MALRD1: variants seen among roughly 807,000 people sequenced by gnomAD.
MALRD1 encodes MAM and LDL receptor class A domain containing 1.
MALRD1 carries 247 observed loss-of-function variants against 242.1 expected under a neutral mutation model. That is an observed-to-expected ratio of 1.02 (90% CI 0.92 to 1.13). MALRD1 has a LOEUF of 1.13. Among genes scored for constraint, MALRD1 ranks in the 50% most tolerant of loss-of-function variants. The probability of loss-of-function intolerance (pLI) is 0.00; values close to 1 mark genes in which losing one functional copy is unlikely to be tolerated. For missense variants in MALRD1, 2,989 were observed against 2,533.1 expected (o/e 1.18, Z -3.86); for synonymous variants, 995 against 866.6 (o/e 1.15, Z -2.60).
chr10:19,547,876 G>T (rs1589226963), intron 32 of MALRD1, among the ~76,000 whole-genome samples: 1 of 101,014 alleles, frequency 9.9e-6, no homozygotes. Flanking sequence ...TAACAACATT[G>T]CATTCAGCAA....
At chr10:19,477,627 G>A (rs145997055) in intron 29 of MALRD1, among the ~76,000 whole-genome samples, 3,635 of 152,166 alleles carry the variant, frequency 0.024, 167 homozygotes, top group African/African-American at 0.083. Context: ...TTTAATAGGC[G>A]AAAGAAGGAG....
chr10:19,611,061 A>G (rs1838871894), intron 35 of MALRD1, among the ~76,000 whole-genome samples: 1 of 152,010 alleles, frequency 6.6e-6, no homozygotes, highest in African/African-American at 2.4e-5. Context: ...CCCCCAGTAT[A>G]GAAAGATGAT....
intron 33 of MALRD1, among the ~76,000 whole-genome samples, chr10:19,590,473 T>A (rs1279630988): frequency 6.6e-6 from 1 of 151,192 alleles, no homozygotes; most frequent in Non-Finnish European, 1.5e-5. Flanking sequence ...TTTGCAGGGA[T>A]GTTCCTGAGA....
chr10:19,419,146 C>T (rs1589047532), intron 28 of MALRD1, among the ~76,000 whole-genome samples: 2 of 152,160 alleles, frequency 1.3e-5, no homozygotes, highest in Non-Finnish European at 2.9e-5. Flanking sequence ...TCTATATACC[C>T]TTGTCTTTTA....
chr10:19,224,913 T>A (rs7322924), intron 18 of MALRD1, among the ~76,000 whole-genome samples: 31,347 of 152,040 alleles, frequency 0.21, 3,489 homozygotes, highest in East Asian at 0.35. Context: ...GTCTTTGCCT[T>A]TGCCTATGTT....
chr10:19,197,241 G>T (rs950179070), intron 14 of MALRD1, among the ~76,000 whole-genome samples: 2 of 152,112 alleles, frequency 1.3e-5, no homozygotes, highest in African/African-American at 2.4e-5. Context: ...CTCAACACGT[G>T]AGAATTACAA....
chr10:19,239,929 T>C (rs7921919), intron 18 of MALRD1, among the ~76,000 whole-genome samples: 5,567 of 152,224 alleles, frequency 0.037, 246 homozygotes, highest in East Asian at 0.17. Flanking sequence ...AGTCAGGTAG[T>C]GTGGTGCCTC....
At chr10:19,423,114 A>G (rs556549377) in intron 28 of MALRD1, among the ~76,000 whole-genome samples, 3 of 152,180 alleles carry the variant, frequency 2.0e-5, no homozygotes, top group Non-Finnish European at 4.4e-5. Flanking sequence ...CCAATTTAGC[A>G]AGTTTTGGGA....
intron 38 of MALRD1, among the ~76,000 whole-genome samples, chr10:19,700,193 T>G (rs548120118): frequency 6.6e-6 from 1 of 152,212 alleles, no homozygotes; most frequent in South Asian, 2.1e-4. Flanking sequence ...CGAAGAAGTT[T>G]CCACCCTCTG....
chr10:19,388,197 C>A (rs1465678398), intron 27 of MALRD1, among the ~76,000 whole-genome samples: 1 of 152,074 alleles, frequency 6.6e-6, no homozygotes. Flanking sequence ...TCATTAGGAC[C>A]CAGTCATATT....
chr10:19,113,792 T>C (rs1160541707), intron 5 of MALRD1, among the ~76,000 whole-genome samples: 8 of 134,490 alleles, frequency 5.9e-5, no homozygotes, highest in South Asian at 2.5e-4. Context: ...TACCACCCCC[T>C]ACACACACAC....
At chr10:19,373,345 A>T (rs904588800) in intron 26 of MALRD1, among the ~76,000 whole-genome samples, 1 of 151,984 alleles carries the variant, frequency 6.6e-6, no homozygotes, top group African/African-American at 2.4e-5. Flanking sequence ...TACTAAAAAT[A>T]CAGAAACAAC....
intron 36 of MALRD1, among the ~76,000 whole-genome samples, chr10:19,638,665 A>T (rs1315215562): frequency 1.3e-5 from 2 of 152,190 alleles, no homozygotes; most frequent in African/African-American, 4.8e-5. Context: ...CAGGAATGTG[A>T]GTCAAGCAAT....
chr10:19,545,206 A>G (rs1484456353), intron 32 of MALRD1, among the ~76,000 whole-genome samples: 2 of 152,120 alleles, frequency 1.3e-5, no homozygotes, highest in African/African-American at 4.8e-5. Flanking sequence ...TTATAAGGGC[A>G]TCATTCACAT....
intron 32 of MALRD1, among the ~76,000 whole-genome samples, chr10:19,562,844 T>C (rs774396989): frequency 1.5e-4 from 23 of 152,120 alleles, no homozygotes; most frequent in Non-Finnish European, 2.8e-4. Context: ...GATTGTGTGC[T>C]CCTCATGAGG....
rs1252677660 is a variant in MALRD1 at position 19,314,682 on chromosome 10, T to A, written c.3420-9267T>A. On this transcript the variant is annotated intron_variant, in intron 21 of 39. Transcript: ENST00000454679. Reference sequence around the variant, plus strand: ...GCCTGTTTTTGTAAATATGGTTTTATTGGAACATAGCCATACCACTCTTTT... The same window carrying A: ...GCCTGTTTTTGTAAATATGGTTTTAATGGAACATAGCCATACCACTCTTTT... Among the ~76,000 whole-genome samples the A allele has an allele frequency of 3.3e-5, 5 of 151,628 alleles. No individual in the cohort carries two copies. The South Asian group carries it at 8.3e-4, about 25-fold the overall frequency.
chr10:19,599,080 G>A (rs1013267490), intron 34 of MALRD1, among the ~76,000 whole-genome samples: 2 of 152,104 alleles, frequency 1.3e-5, no homozygotes, highest in Non-Finnish European at 2.9e-5. Context: ...AAGAGCAAAT[G>A]GGAAATGTCG....
chr10:19,146,100 AT>A lies in MALRD1; in HGVS notation c.1412-94del, dbSNP rs1391809889. On this transcript the variant is annotated intron_variant, in intron 10 of 39. Coordinates refer to ENST00000454679, the MANE Select transcript of MALRD1 (RefSeq NM_001142308.3). ...AGAATATTCACTACCAAGCAGAATA[AT>A]TTTGCAGGCCTCCTAAGATGATTAG... 3.3e-6 allele frequency: 3 copies of A among 919,292 alleles called. No homozygotes were observed. In the African/African-American group the frequency reaches 5.2e-5, roughly 16 times the overall value. The allele number at this position is 919,292 out of a possible 1,614,324, so 56.9% of individuals were successfully genotyped here.
At chr10:19,444,532 G>T (rs1036738373) in intron 28 of MALRD1, among the ~76,000 whole-genome samples, 1 of 152,122 alleles carries the variant, frequency 6.6e-6, no homozygotes, top group African/African-American at 2.4e-5. Context: ...GCATTTGCTT[G>T]TCTGTAAAGG....
Sources: allele counts gnomAD v4.1 joint callset (sites outside exome capture counted in the v4.1 genomes callset), GRCh38; gene constraint gnomAD v4.1.1; transcripts MANE v1.5; gene names NCBI Gene and HGNC (gene_info 2026-07-23, HGNC 2026-07-21).